Variants in NBAS observed in about 807,000 individuals in gnomAD.
NBAS encodes the protein NAG/BC035112 fusion.
NBAS carries 219 observed loss-of-function variants against 302.5 expected under a neutral mutation model. The observed-to-expected ratio is 0.72, with a 90% CI of 0.65 to 0.81. The LOEUF is 0.81. NBAS is among the 30% of genes least tolerant of loss of function. The pLI, the probability that NBAS is intolerant of heterozygous loss-of-function variation, is 0.00. For synonymous variants in NBAS, 1,118 were observed against 1,021.6 expected (o/e 1.09, Z -1.80); for missense variants, 2,932 against 2,841.6 (o/e 1.03, Z -0.72).
At chr2:15,538,650 C>T (rs1663639905) in intron 7 of NBAS, among the ~76,000 whole-genome samples, 1 of 152,090 alleles carries the variant, frequency 6.6e-6, no homozygotes, top group African/African-American at 2.4e-5. Flanking sequence ...AACTAAAAAG[C>T]ACTATATTCC....
the NBAS span, among the ~76,000 whole-genome samples, chr2:15,089,226 C>T: frequency 6.6e-6 from 1 of 152,146 alleles, no homozygotes; most frequent in Non-Finnish European, 1.5e-5. Flanking sequence ...AAGCAATCCT[C>T]CTGCTTCGGC....
intron 8 of NBAS, among the ~76,000 whole-genome samples, chr2:15,535,913 G>A (rs1343734422): frequency 6.6e-6 from 1 of 152,100 alleles, no homozygotes; most frequent in Non-Finnish European, 1.5e-5. Context: ...TCTGGGAGTG[G>A]GTATGGAAAG....
the NBAS span, among the ~76,000 whole-genome samples, chr2:14,785,871 G>C: frequency 0.12 from 18,768 of 152,060 alleles, 1,308 homozygotes; most frequent in Non-Finnish European, 0.16. Flanking sequence ...TTTTTCTATT[G>C]ATTGGAATAG....
At chr2:14,810,389 C>T in the NBAS span, among the ~76,000 whole-genome samples, 1 of 152,158 alleles carries the variant, frequency 6.6e-6, no homozygotes, top group East Asian at 1.9e-4. Flanking sequence ...ATAAGTCTCA[C>T]AAGATCTGAT....
chr2:15,208,748 C>G (rs1247818086), intron 48 of NBAS, among the ~76,000 whole-genome samples: 1 of 151,952 alleles, frequency 6.6e-6, no homozygotes, highest in Non-Finnish European at 1.5e-5. Context: ...TTTCTTGAAA[C>G]AAATGATAAT....
chr2:15,421,158 C>T (rs1335727573), intron 23 of NBAS, among the ~76,000 whole-genome samples: 1 of 151,980 alleles, frequency 6.6e-6, no homozygotes, highest in African/African-American at 2.4e-5. Context: ...AACAAAAAAA[C>T]CTCTATCTCA....
Position 15,313,551 on chromosome 2 carries a change from A to C in NBAS, c.4583-4304T>G, listed in dbSNP as rs192154196. On this transcript the variant is annotated intron_variant, in intron 38 of 51. Transcript: ENST00000281513. ...AATGTTATGCTATGACAAACAATTA[A>C]TATATGCCATTTTAAGAATGTGAAT... Among the ~76,000 whole-genome samples, 34 of 152,362 alleles carry C rather than the reference A, an allele frequency of 2.2e-4. 1 individual carries two copies. Among genetic ancestry groups the C allele is most frequent in the Admixed American group, 1.2e-3 (18 of 15,310 alleles).
the NBAS span, among the ~76,000 whole-genome samples, chr2:14,877,458 C>T: frequency 6.6e-6 from 1 of 152,232 alleles, no homozygotes; most frequent in African/African-American, 2.4e-5. Flanking sequence ...GATAATGTTA[C>T]TATTTGACTC....
chr2:15,094,980 A>G, the NBAS span, among the ~76,000 whole-genome samples: 1 of 152,206 alleles, frequency 6.6e-6, no homozygotes, highest in Admixed American at 6.5e-5. Context: ...AGTAACATGT[A>G]TGCCCCATAT....
intron 21 of NBAS, among the ~76,000 whole-genome samples, chr2:15,441,326 AC>A (rs1678389650): frequency 2.0e-5 from 3 of 152,138 alleles, no homozygotes; most frequent in Admixed American, 2.0e-4. Context: ...AACTCTACAA[AC>A]CAGAAGAGAG....
the NBAS span, among the ~76,000 whole-genome samples, chr2:15,007,002 T>G: frequency 1.7e-3 from 257 of 152,346 alleles, 1 homozygote; most frequent in Non-Finnish European, 5.3e-4. Context: ...AAACACTATT[T>G]AGTCCTTCTT....
intron 30 of NBAS, among the ~76,000 whole-genome samples, chr2:15,376,665 A>G (rs1362847844): frequency 6.6e-6 from 1 of 152,136 alleles, no homozygotes; most frequent in Non-Finnish European, 1.5e-5. Context: ...AATAAATATT[A>G]GTCATCTGGG....
At chr2:15,446,254 A>T (rs189161714) in intron 21 of NBAS, among the ~76,000 whole-genome samples, 1 of 152,184 alleles carries the variant, frequency 6.6e-6, no homozygotes, top group African/African-American at 2.4e-5. Context: ...CAAGGCATAT[A>T]ATAATAAAAT....
Position 15,186,733 on chromosome 2 carries a change from T to A in NBAS, c.6711+9A>T, listed in dbSNP as rs1221614255. On this transcript the variant is annotated intron_variant, in intron 50 of 51. Coordinates refer to ENST00000281513, the MANE Select transcript of NBAS (RefSeq NM_015909.4). ...ACTCCTTAGGAAAGCACTCAAAATA[T>A]CCACTCACCTCTGCAGGCAGCATCT... 6.2e-7 allele frequency: 1 copy of A among 1,613,726 alleles called. No individual in the cohort carries two copies. The highest frequency in any genetic ancestry group is 1.7e-5 in the Admixed American group (1 of 59,998).
chr2:15,541,787 CCGT>C (rs1235767591), intron 6 of NBAS, among the ~76,000 whole-genome samples: 1 of 118,662 alleles, frequency 8.4e-6, no homozygotes, highest in Non-Finnish European at 1.9e-5. Context: ...GCCAGTCGCC[CCGT>C]CCGGGAGGGA....
intron 25 of NBAS, among the ~76,000 whole-genome samples, chr2:15,411,074 G>A (rs78798275): frequency 0.013 from 2,048 of 152,140 alleles, 32 homozygotes; most frequent in East Asian, 0.059. Flanking sequence ...ACCCCTCCTC[G>A]GTGGATGGCT....
At chr2:15,050,307 C>G in the NBAS span, among the ~76,000 whole-genome samples, 1 of 149,344 alleles carries the variant, frequency 6.7e-6, no homozygotes, top group Admixed American at 6.7e-5. Flanking sequence ...CTTCTTTCTT[C>G]TTTCCTTTTT....
At chr2:14,877,409 G>A in the NBAS span, among the ~76,000 whole-genome samples, 2 of 152,182 alleles carry the variant, frequency 1.3e-5, no homozygotes, top group South Asian at 2.1e-4. Context: ...CAGATCTTTT[G>A]TTCCTTGTTC....
the NBAS span, among the ~76,000 whole-genome samples, chr2:15,043,511 T>C: frequency 1.3e-5 from 2 of 152,180 alleles, no homozygotes; most frequent in African/African-American, 2.4e-5. Context: ...GACACAGGAC[T>C]GTCCTGGCTC....
Sources: gnomAD v4.1 joint callset for allele counts (sites outside exome capture counted in the v4.1 genomes callset) on GRCh38, gnomAD v4.1.1 for gene constraint, MANE v1.5 for transcripts, NCBI Gene and HGNC (gene_info 2026-07-23, HGNC 2026-07-21) for gene names.